Variants in KIAA0825 observed in about 807,000 individuals in gnomAD.
The protein encoded by KIAA0825 is KIAA0825, also known as uncharacterized protein KIAA0825.
A neutral mutation model predicts 147.6 loss-of-function variants in KIAA0825; 119 were observed. That is an observed-to-expected ratio of 0.81 (90% CI 0.69 to 0.94). The LOEUF (loss-of-function observed/expected upper bound fraction) is 0.94. KIAA0825 is among the 40% of genes least tolerant of loss of function. KIAA0825 has a pLI of 0.00. For synonymous variants in KIAA0825, 470 were observed against 518.1 expected (o/e 0.91, Z 1.26); for missense variants, 1,381 against 1,472.7 (o/e 0.94, Z 1.02).
chr5:94,405,384 T>C (rs1751908923), intron 15 of KIAA0825, among the ~76,000 whole-genome samples: 1 of 152,160 alleles, frequency 6.6e-6, no homozygotes, highest in East Asian at 1.9e-4. Context: ...TGTGGCTTTA[T>C]AAAAGCAATG....
intron 15 of KIAA0825, among the ~76,000 whole-genome samples, chr5:94,406,711 TAACCTGCTC>T (rs1258448194): frequency 6.6e-6 from 1 of 152,238 alleles, no homozygotes; most frequent in African/African-American, 2.4e-5. Flanking sequence ...TGTGGCATTT[TAACCTGCTC>T]TATTCCCAGC....
At chr5:94,161,596 A>G (rs886467361) in intron 20 of KIAA0825, among the ~76,000 whole-genome samples, 1 of 151,830 alleles carries the variant, frequency 6.6e-6, no homozygotes, top group Non-Finnish European at 1.5e-5. Flanking sequence ...CATCTTTTCT[A>G]TTACTTTCTT....
At position 94,358,234 on chromosome 5, in the gene KIAA0825, C is replaced by T. The variant is rs180978831; in HGVS notation, c.3710+26134G>A. 6.2e-4 allele frequency among the ~76,000 whole-genome samples: 95 copies of T among 152,332 alleles called. 2 individuals carry two copies. Among genetic ancestry groups the T allele is most frequent in the Non-Finnish European group, 1.0e-4 (7 of 68,030 alleles). ...GCTTTTTCCCCAATCCTGCTCTACA[C>T]ACTGAAAAGTCTTTTAAAACATAAG... On this transcript the variant is annotated intron_variant, in intron 20 of 20. Coordinates refer to ENST00000682413, the MANE Select transcript of KIAA0825 (RefSeq NM_001145678.3).
At chr5:94,281,565 C>A (rs1440327373) in intron 20 of KIAA0825, among the ~76,000 whole-genome samples, 2 of 152,068 alleles carry the variant, frequency 1.3e-5, no homozygotes, top group African/African-American at 4.8e-5. Flanking sequence ...AGCTTTAGGG[C>A]AGGGTTTCTC....
chr5:94,506,095 T>C (rs1313450943), intron 5 of KIAA0825, among the ~76,000 whole-genome samples: 2 of 152,248 alleles, frequency 1.3e-5, no homozygotes, highest in African/African-American at 4.8e-5. Flanking sequence ...ATTTTCCCTT[T>C]GCTCAGTGAA....
At chr5:94,214,325 T>G (rs901275179) in intron 20 of KIAA0825, among the ~76,000 whole-genome samples, 12 of 152,338 alleles carry the variant, frequency 7.9e-5, no homozygotes, top group Admixed American at 5.2e-4. Flanking sequence ...AATATTCATT[T>G]TAAAGGAAAT....
intron 20 of KIAA0825, among the ~76,000 whole-genome samples, chr5:94,319,447 C>G (rs552748250): frequency 6.6e-6 from 1 of 152,004 alleles, no homozygotes; most frequent in East Asian, 2.0e-4. Flanking sequence ...CTATGTCCAT[C>G]TCCTACTCTT....
At chr5:94,379,591 T>G (rs1265218846) in intron 20 of KIAA0825, among the ~76,000 whole-genome samples, 1 of 152,178 alleles carries the variant, frequency 6.6e-6, no homozygotes, top group African/African-American at 2.4e-5. Context: ...GGCTCTTTTT[T>G]TGTTCCATAT....
chr5:94,429,419 G>C (rs866670801), intron 14 of KIAA0825, among the ~76,000 whole-genome samples: 10 of 151,904 alleles, frequency 6.6e-5, no homozygotes, highest in Middle Eastern at 3.4e-3. Flanking sequence ...CCCTGTTTCT[G>C]GGGGGTGTGA....
chr5:94,234,066 C>A (rs1774888116), intron 20 of KIAA0825, among the ~76,000 whole-genome samples: 1 of 152,098 alleles, frequency 6.6e-6, no homozygotes, highest in Non-Finnish European at 1.5e-5. Flanking sequence ...TCATTATTAT[C>A]ATAATATGTA....
At chr5:94,224,082 C>CTTTTTTTTTTTTTTTTTTT (rs869059424) in intron 20 of KIAA0825, among the ~76,000 whole-genome samples, 8 of 56,474 alleles carry the variant, frequency 1.4e-4, no homozygotes, top group Non-Finnish European at 1.6e-4. Flanking sequence ...TTTTTCTTTT[C>CTTTTTTTTTTTTTTTTTTT]TTTTTTTTTT....
At chr5:94,524,724 G>A (rs1768930348) in intron 3 of KIAA0825, among the ~76,000 whole-genome samples, 1 of 151,706 alleles carries the variant, frequency 6.6e-6, no homozygotes, top group South Asian at 2.1e-4. Flanking sequence ...TTATATTTGG[G>A]TGGGTGTAAT....
chr5:94,192,818 C>T (rs769829476), intron 20 of KIAA0825, among the ~76,000 whole-genome samples: 1 of 152,144 alleles, frequency 6.6e-6, no homozygotes, highest in Non-Finnish European at 1.5e-5. Context: ...CAAGAAACCC[C>T]CAGCTCTTTG....
intron 5 of KIAA0825, among the ~76,000 whole-genome samples, chr5:94,496,097 A>G (rs2151093745): frequency 6.6e-6 from 1 of 152,266 alleles, no homozygotes; most frequent in South Asian, 2.1e-4. Flanking sequence ...GCTAGGGGAG[A>G]GGCAGTCCCC....
At chr5:94,278,072 T>C (rs771527139) in intron 20 of KIAA0825, among the ~76,000 whole-genome samples, 1 of 151,926 alleles carries the variant, frequency 6.6e-6, no homozygotes, top group Non-Finnish European at 1.5e-5. Flanking sequence ...TGAGAACACA[T>C]GGACACAGGG....
intron 11 of KIAA0825, 43 bp from the exon 12 acceptor site, chr5:94,462,612 T>C (rs1442748372): frequency 1.6e-6 from 2 of 1,223,314 alleles, no homozygotes; most frequent in East Asian, 2.7e-5. Flanking sequence ...AACAAAATAA[T>C]GTCTCTGCTT....
intron 20 of KIAA0825, among the ~76,000 whole-genome samples, chr5:94,290,989 T>C (rs1036258339): frequency 1.3e-5 from 2 of 152,244 alleles, no homozygotes; most frequent in Non-Finnish European, 2.9e-5. Flanking sequence ...TGTTTGTTTT[T>C]TTCTTGTAAA....
rs111865732 is a variant in KIAA0825, at chr5:94,495,000, C to T, written c.971-10070G>A. Among the ~76,000 whole-genome samples, 427 of 152,290 alleles carry T rather than the reference C, an allele frequency of 2.8e-3. 1 individual carries two copies. Among genetic ancestry groups the T allele is most frequent in the Middle Eastern group, 0.01 (3 of 294 alleles). ...TGAGTGTGCTTCCTAATACACTTTC[C>T]AACCGAATCACAGCCTTTTAAAAGA... On this transcript the variant is annotated intron_variant, in intron 5 of 20. Coordinates refer to ENST00000682413, the MANE Select transcript of KIAA0825 (RefSeq NM_001145678.3).
chr5:94,520,787 G>A lies in KIAA0825; in HGVS notation c.431C>T (p.Thr144Met), dbSNP rs754807072. The part of the protein sequence containing the change: ...SGTSFHFLSR[T>M]SLHSVEDNSS... ...ATTATCTTCAACAGAATGAAGAGAC[G>A]TCCTAGAGAGGAAATGGAAAGATGT... Residue 144 changes from threonine (T) to methionine (M), a missense_variant, in exon 5 of 21, where the codon ACG becomes ATG. Transcript: ENST00000682413. 24 of 1,613,150 alleles carry A rather than the reference G, an allele frequency of 1.5e-5. No individual in the cohort carries two copies. The highest frequency in any genetic ancestry group is 2.2e-5 in the South Asian group (2 of 91,062).
Sources: gnomAD v4.1 joint callset for allele counts (sites outside exome capture counted in the v4.1 genomes callset) on GRCh38, gnomAD v4.1.1 for gene constraint, MANE v1.5 for transcripts, NCBI Gene and HGNC (gene_info 2026-07-23, HGNC 2026-07-21) for gene names.